GNA14: variants seen among roughly 807,000 people sequenced by gnomAD.
GNA14 encodes G protein subunit alpha 14, also known as guanine nucleotide-binding protein subunit alpha-14.
GNA14 carries 50 observed loss-of-function variants against 42.0 expected under a neutral mutation model. The ratio of observed to expected loss-of-function variants is 1.19; its 90% CI spans 0.95 to 1.51. The LOEUF (loss-of-function observed/expected upper bound fraction) is 1.51. Ranked by LOEUF, GNA14 falls within the 40% of genes most tolerant of loss-of-function variation. The pLI, the probability that GNA14 is intolerant of heterozygous loss-of-function variation, is 0.00. For missense variants in GNA14, 473 were observed against 446.2 expected, an observed-to-expected ratio of 1.06 and a Z score of -0.54; for synonymous variants, 173 against 163.1, an observed-to-expected ratio of 1.06 and a Z score of -0.46.
At chr9:77,589,789 A>G (rs1468136860) in intron 1 of GNA14, among the ~76,000 whole-genome samples, 1 of 152,214 alleles carries the variant, frequency 6.6e-6, no homozygotes, top group South Asian at 2.1e-4. Flanking sequence ...ACTGCCTTCC[A>G]TACCAAGACC....
intron 1 of GNA14, among the ~76,000 whole-genome samples, chr9:77,532,497 C>T (rs963658509): frequency 6.6e-6 from 1 of 152,188 alleles, no homozygotes; most frequent in Non-Finnish European, 1.5e-5. Flanking sequence ...ACCACAGGGA[C>T]CAGTTTAACT....
In GNA14 at chr9:77,616,130, C is replaced by T. The variant is rs965269988; in HGVS notation, c.124+31540G>A. 2.0e-5 allele frequency among the ~76,000 whole-genome samples: 3 copies of T among 152,178 alleles called. No homozygotes were observed. In the South Asian group the frequency reaches 6.2e-4, roughly 32 times the overall value. On this transcript the variant is annotated intron_variant, in intron 1 of 6. Coordinates refer to ENST00000341700, the MANE Select transcript of GNA14 (RefSeq NM_004297.4). The stretch of plus-strand genomic sequence containing the variant: ...GAGGCCTTGTCAACCCAGACACTGG[C>T]TACCATAGCACACATTGTGCAGTAT...
chr9:77,460,212 G>T (rs1240062473), intron 2 of GNA14, among the ~76,000 whole-genome samples: 1 of 152,176 alleles, frequency 6.6e-6, no homozygotes, highest in Non-Finnish European at 1.5e-5. Context: ...GGATTAGGAT[G>T]GACCCCAAAT....
chr9:77,500,181 C>A (rs1046978047), intron 2 of GNA14, among the ~76,000 whole-genome samples: 6 of 152,064 alleles, frequency 3.9e-5, no homozygotes, highest in African/African-American at 1.4e-4. Flanking sequence ...CACCACCACT[C>A]CTGGCTACTT....
intron 1 of GNA14, among the ~76,000 whole-genome samples, chr9:77,600,028 C>T (rs949964979): frequency 1.3e-5 from 2 of 152,168 alleles, no homozygotes; most frequent in African/African-American, 4.8e-5. Context: ...TTCCACAATG[C>T]ATACATACTT....
chr9:77,435,088 G>A (rs1482887571), intron 2 of GNA14, among the ~76,000 whole-genome samples: 1 of 151,448 alleles, frequency 6.6e-6, no homozygotes, highest in East Asian at 1.9e-4. Flanking sequence ...GCCAGCTGCG[G>A]TGGTTCATGC....
chr9:77,445,155 C>T (rs12553676), intron 2 of GNA14, among the ~76,000 whole-genome samples: 25,435 of 152,174 alleles, frequency 0.17, 2,382 homozygotes, highest in East Asian at 0.36. Context: ...CTTCCCTTTT[C>T]GCTGCCACGA....
intron 6 of GNA14, 138 bp from the exon 7 acceptor site, chr9:77,424,307 C>T (rs1835420411): frequency 1.9e-6 from 1 of 523,752 alleles, no homozygotes; most frequent in Non-Finnish European, 3.3e-6. Context: ...ACTGCAACCT[C>T]TGCTTCTGGG....
intron 2 of GNA14, among the ~76,000 whole-genome samples, chr9:77,524,725 A>T (rs1837407516): frequency 6.6e-6 from 1 of 152,250 alleles, no homozygotes; most frequent in South Asian, 2.1e-4. Flanking sequence ...AGCTCTGAGA[A>T]AAAATTATTA....
intron 2 of GNA14, among the ~76,000 whole-genome samples, chr9:77,490,680 G>A (rs915348148): frequency 1.3e-5 from 2 of 152,216 alleles, no homozygotes; most frequent in Non-Finnish European, 2.9e-5. Context: ...CTCCGAGTGC[G>A]GGGCCTGCCA....
chr9:77,644,437 C>CAGAAAAAAAAAAAA (rs1824320632), intron 1 of GNA14, among the ~76,000 whole-genome samples: 1 of 34,012 alleles, frequency 2.9e-5, no homozygotes, highest in African/African-American at 1.2e-4. Context: ...TAAAGAGTGT[C>CAGAAAAAAAAAAAA]AAAAAAAAAA....
At chr9:77,531,102 T>C (rs1285982214) in intron 1 of GNA14, among the ~76,000 whole-genome samples, 1 of 152,200 alleles carries the variant, frequency 6.6e-6, no homozygotes, top group Non-Finnish European at 1.5e-5. Context: ...GCCTAAATGC[T>C]TGCTTGCAAA....
chr9:77,625,133 G>A (rs772684679), intron 1 of GNA14, among the ~76,000 whole-genome samples: 1 of 151,650 alleles, frequency 6.6e-6, no homozygotes, highest in East Asian at 2.0e-4. Flanking sequence ...TAGCGGAATC[G>A]ATCAAGCAGA....
At chr9:77,558,902 T>C (rs1431338793) in intron 1 of GNA14, among the ~76,000 whole-genome samples, 1 of 146,962 alleles carries the variant, frequency 6.8e-6, no homozygotes, top group East Asian at 2.0e-4. Context: ...GTACCATTAC[T>C]GAAAAAAGGT....
At chr9:77,436,151 C>T (rs532031692) in intron 2 of GNA14, among the ~76,000 whole-genome samples, 1 of 152,218 alleles carries the variant, frequency 6.6e-6, no homozygotes, top group South Asian at 2.1e-4. Context: ...TTTCCCCACA[C>T]CTGTCAGGAA....
chr9:77,643,122 C>A (rs550839696), intron 1 of GNA14, among the ~76,000 whole-genome samples: 2 of 152,292 alleles, frequency 1.3e-5, no homozygotes, highest in African/African-American at 4.8e-5. Flanking sequence ...GGAAGGAATC[C>A]CTGCACTGTG....
At position 77,463,253 on chromosome 9, in the gene GNA14, C is replaced by T. The variant is rs560386917; in HGVS notation, c.310-28731G>A. Among the ~76,000 whole-genome samples, 9 of 152,252 alleles carry T rather than the reference C, an allele frequency of 5.9e-5. No homozygotes were observed. In the East Asian group the frequency reaches 9.6e-4, roughly 16 times the overall value. On this transcript the variant is annotated intron_variant, in intron 2 of 6. Coordinates refer to ENST00000341700, the MANE Select transcript of GNA14 (RefSeq NM_004297.4). ...CTGGATGAGGAAAGATACTAGGAGT[C>T]GCCATCACAATCAGATGCGGCAACA... is the stretch of plus-strand genomic sequence containing the variant.
chr9:77,587,041 T>TA (rs1823316593), intron 1 of GNA14, among the ~76,000 whole-genome samples: 1 of 151,872 alleles, frequency 6.6e-6, no homozygotes, highest in Non-Finnish European at 1.5e-5. Flanking sequence ...AGGAAAATCT[T>TA]ACTAAGGACT....
chr9:77,425,985 G>A (rs1473219135), intron 5 of GNA14, among the ~76,000 whole-genome samples: 1 of 152,202 alleles, frequency 6.6e-6, no homozygotes, highest in African/African-American at 2.4e-5. Context: ...ATGGAACGAA[G>A]TAAGAAAGGC....
Sources: allele counts gnomAD v4.1 joint callset (sites outside exome capture counted in the v4.1 genomes callset), GRCh38; gene constraint gnomAD v4.1.1; transcripts MANE v1.5; gene names NCBI Gene and HGNC (gene_info 2026-07-23, HGNC 2026-07-21).